The following CNTN6 variants were observed in gnomAD, a reference collection of about 807,000 sequenced individuals.
The protein encoded by CNTN6 is contactin-6.
In CNTN6, 137 loss-of-function variants were observed where a neutral mutation model predicts 122.8. The ratio of observed to expected loss-of-function variants is 1.12; its 90% CI spans 0.97 to 1.29. The LOEUF (loss-of-function observed/expected upper bound fraction) is 1.29. Among genes scored for constraint, CNTN6 ranks in the 50% most tolerant of loss-of-function variants. CNTN6 has a pLI of 0.00. For missense variants in CNTN6, 1,634 were observed against 1,223.4 expected (o/e 1.34, Z -5.01); for synonymous variants, 570 against 426.0 (o/e 1.34, Z -4.16).
chr3:1,365,479 G>A (rs1444228026), intron 12 of CNTN6, among the ~76,000 whole-genome samples: 1 of 151,842 alleles, frequency 6.6e-6, no homozygotes, highest in Admixed American at 6.6e-5. Flanking sequence ...ACATATTTAT[G>A]TTGTGTTTAA....
chr3:1,388,018 T>TA (rs1693363748), intron 20 of CNTN6, among the ~76,000 whole-genome samples: 1 of 151,940 alleles, frequency 6.6e-6, no homozygotes, highest in Non-Finnish European at 1.5e-5. Flanking sequence ...CTTGATTAGG[T>TA]AAACAAAGCA....
At chr3:1,137,490 T>G (rs563505237) in intron 1 of CNTN6, among the ~76,000 whole-genome samples, 1 of 152,196 alleles carries the variant, frequency 6.6e-6, no homozygotes, top group Non-Finnish European at 1.5e-5. Flanking sequence ...TCCTATATAG[T>G]AATAAAGAGC....
At chr3:1,374,134 AAAC>A (rs1559957451) in intron 16 of CNTN6, 61 bp downstream of exon 16, 5 of 1,488,202 alleles carry the variant, frequency 3.4e-6, no homozygotes, top group Non-Finnish European at 4.5e-6. Flanking sequence ...TCTTAAAACA[AAAC>A]AAGTATTTTT....
At chr3:1,251,308 G>A (rs116010879) in intron 4 of CNTN6, among the ~76,000 whole-genome samples, 1,821 of 152,122 alleles carry the variant, frequency 0.012, 14 homozygotes, top group Non-Finnish European at 0.017. Context: ...AAATTTGACT[G>A]TCTGACTCAC....
intron 1 of CNTN6, among the ~76,000 whole-genome samples, chr3:1,115,941 A>G (rs551095062): frequency 6.6e-6 from 1 of 152,204 alleles, no homozygotes; most frequent in Non-Finnish European, 1.5e-5. Context: ...AAATAAGTTG[A>G]TGATAGTAGC....
Position 1,403,678 on chromosome 3 carries a change from T to C in CNTN6, c.*260T>C. 4.0e-6 allele frequency: 1 copy of C among 249,248 alleles called. No homozygotes were observed. The highest frequency in any genetic ancestry group is 1.3e-3 in the Middle Eastern group (1 of 772). 15.4% of individuals were successfully genotyped at this position (249,248 alleles called of 1,614,324 possible). ...GGGGAGTTGTAACTGCTGTGTCTTT[T>C]AAGTTACTTATATGGAGAAAATAAA... On this transcript the variant is annotated 3_prime_UTR_variant, in exon 23 of 23. Transcript: ENST00000446702.
At chr3:1,128,834 T>A (rs2125090650) in intron 1 of CNTN6, among the ~76,000 whole-genome samples, 1 of 152,144 alleles carries the variant, frequency 6.6e-6, no homozygotes, top group East Asian at 1.9e-4. Flanking sequence ...CACATTTAAA[T>A]TATAAATTGA....
chr3:1,196,141 T>C (rs2093774606), intron 2 of CNTN6, among the ~76,000 whole-genome samples: 1 of 152,190 alleles, frequency 6.6e-6, no homozygotes, highest in Admixed American at 6.5e-5. Flanking sequence ...AAAGAATTTG[T>C]TTTGGAGATG....
At chr3:1,257,476 C>T (rs2094778060) in intron 4 of CNTN6, among the ~76,000 whole-genome samples, 2 of 151,988 alleles carry the variant, frequency 1.3e-5, no homozygotes, top group Non-Finnish European at 2.9e-5. Context: ...TCATTAATTC[C>T]TTCGAGGCCT....
chr3:1,137,914 CTATT>C (rs2092519346), intron 1 of CNTN6, among the ~76,000 whole-genome samples: 1 of 152,198 alleles, frequency 6.6e-6, no homozygotes, highest in African/African-American at 2.4e-5. Context: ...GAAATGTCCA[CTATT>C]TGGTCCCAGT....
intron 12 of CNTN6, among the ~76,000 whole-genome samples, chr3:1,358,631 A>T (rs200185180): frequency 2.0e-5 from 3 of 152,018 alleles, no homozygotes; most frequent in Non-Finnish European, 4.4e-5. Context: ...AAATAATCAC[A>T]TGAATCAAAC....
chr3:1,274,478 C>G, intron 4 of CNTN6, among the ~76,000 whole-genome samples: 1 of 152,148 alleles, frequency 6.6e-6, no homozygotes, highest in Middle Eastern at 3.4e-3. Context: ...TATCTTAATA[C>G]TTTTGTTATT....
At chr3:1,152,251 G>A (rs1648381119) in intron 2 of CNTN6, among the ~76,000 whole-genome samples, 1 of 151,878 alleles carries the variant, frequency 6.6e-6, no homozygotes, top group South Asian at 2.1e-4. Context: ...CAATTCTCCT[G>A]CCTCAGCCTC....
intron 2 of CNTN6, among the ~76,000 whole-genome samples, chr3:1,202,983 A>G (rs866157267): frequency 2.0e-5 from 3 of 152,206 alleles, no homozygotes; most frequent in Admixed American, 1.3e-4. Flanking sequence ...TGATGTAGCA[A>G]GAGAGTAATA....
At chr3:1,209,386 G>T (rs2094001362) in intron 2 of CNTN6, among the ~76,000 whole-genome samples, 1 of 152,126 alleles carries the variant, frequency 6.6e-6, no homozygotes, top group Non-Finnish European at 1.5e-5. Context: ...CATGGCCACT[G>T]TCAGGTGACT....
rs1198304314 is a variant in CNTN6 at position 1,159,946 on chromosome 3, G to C, written c.55+11883G>C. On this transcript the variant is annotated intron_variant, in intron 2 of 22. Transcript: ENST00000446702. ...AGCAATTCTCCTGCCTCAGCCTCCT[G>C]AATAGATGGGATTACAGGCATGCGC... Among the ~76,000 whole-genome samples the C allele has an allele frequency of 2.6e-5, 4 of 151,762 alleles. No individual in the cohort carries two copies. In the East Asian group the frequency reaches 5.8e-4, roughly 22 times the overall value.
chr3:1,388,251 A>T (rs1256986908), intron 20 of CNTN6, among the ~76,000 whole-genome samples: 1 of 148,372 alleles, frequency 6.7e-6, no homozygotes, highest in Non-Finnish European at 1.5e-5. Flanking sequence ...TGGGTCCCTG[A>T]CCCCTGACCC....
At chr3:1,173,051 G>A (rs948491522) in intron 2 of CNTN6, among the ~76,000 whole-genome samples, 1 of 152,136 alleles carries the variant, frequency 6.6e-6, no homozygotes, top group Non-Finnish European at 1.5e-5. Flanking sequence ...TATCACACCA[G>A]AACTGACTCA....
intron 1 of CNTN6, among the ~76,000 whole-genome samples, chr3:1,108,735 C>A (rs971030557): frequency 1.3e-5 from 2 of 151,860 alleles, no homozygotes; most frequent in Admixed American, 6.6e-5. Flanking sequence ...TTTAGACTTA[C>A]CCGTTTAAGT....
Sources: gnomAD v4.1 joint callset for allele counts (sites outside exome capture counted in the v4.1 genomes callset) on GRCh38, gnomAD v4.1.1 for gene constraint, MANE v1.5 for transcripts, NCBI Gene and HGNC (gene_info 2026-07-23, HGNC 2026-07-21) for gene names.